PROS1: variants seen among roughly 807,000 people sequenced by gnomAD.
PROS1 encodes the protein protein S.
PROS1 carries 29 observed loss-of-function variants against 75.9 expected under a neutral mutation model. That is an observed-to-expected ratio of 0.38 (90% CI 0.28 to 0.52). The LOEUF (loss-of-function observed/expected upper bound fraction) is 0.52, where lower values mean the gene tolerates loss of function less well. Ranked by LOEUF, PROS1 falls within the 20% of genes least tolerant of loss-of-function variation. The pLI is 0.83. For missense variants in PROS1, 680 were observed against 810.3 expected, an observed-to-expected ratio of 0.84 and a Z score of 1.95; for synonymous variants, 245 against 280.6, an observed-to-expected ratio of 0.87 and a Z score of 1.27.
intron 1 of PROS1, 149 bp from the exon 2 acceptor site, chr3:93,927,556 T>A: frequency 2.2e-6 from 2 of 913,202 alleles, no homozygotes; most frequent in Non-Finnish European, 3.2e-6. Context: ...AAAATGCAGA[T>A]ACAGAAGCAC....
rs1251855298 is a variant in PROS1, at chr3:93,924,685, C to T, written c.235-421G>A. 6.5e-5 allele frequency among the ~76,000 whole-genome samples: 9 copies of T among 139,276 alleles called. No homozygotes were observed. The South Asian group carries it at 8.9e-4, about 14-fold the overall frequency. The allele number at this position is 139,276 out of a possible 152,430, so 91.4% of individuals were successfully genotyped here. ...TCTCTTTTTTTTTTTTTTTTTGAGA[C>T]GAGGTTTCTCTGTGTCACCCATGCT... is the stretch of plus-strand genomic sequence containing the variant. On this transcript the variant is annotated intron_variant, in intron 2 of 14. Coordinates refer to ENST00000394236, the MANE Select transcript of PROS1 (RefSeq NM_000313.4).
intron 3 of PROS1, chr3:93,911,235 C>A (rs1708754528): frequency 6.5e-6 from 1 of 154,326 alleles, no homozygotes. Flanking sequence ...CTTCATTCTT[C>A]ACTACAACCC....
intron 2 of PROS1, among the ~76,000 whole-genome samples, 183 bp from the exon 3 acceptor site, chr3:93,924,447 A>G (rs1708987308): frequency 6.6e-6 from 1 of 152,166 alleles, no homozygotes; most frequent in African/African-American, 2.4e-5. Flanking sequence ...TAAGCCAGTA[A>G]GATACTTAGG....
At chr3:93,937,327 C>T (rs542727483) in intron 1 of PROS1, among the ~76,000 whole-genome samples, 40 of 151,334 alleles carry the variant, frequency 2.6e-4, no homozygotes, top group Admixed American at 9.2e-4. Flanking sequence ...TACACAATGC[C>T]GGGAATCTAT....
chr3:93,973,823 G>C lies in PROS1; in HGVS notation c.-74C>G. 3.0e-6 allele frequency: 4 copies of C among 1,333,974 alleles called. No homozygotes were observed. The South Asian group carries it at 5.4e-5, about 18-fold the overall frequency. 82.6% of individuals were successfully genotyped at this position (1,333,974 alleles called of 1,614,324 possible). On this transcript the variant is annotated 5_prime_UTR_variant, in exon 1 of 15. Transcript: ENST00000394236. ...GGACCGGAGCGCTAGGCGCCGCGGA[G>C]CTGCGAGCCTGTGCGCCTCGGTCTG...
At chr3:93,932,359 T>C (rs1709118660) in intron 1 of PROS1, among the ~76,000 whole-genome samples, 1 of 152,206 alleles carries the variant, frequency 6.6e-6, no homozygotes, top group African/African-American at 2.4e-5. Context: ...TGTCCTCTTT[T>C]TGTATTAGCA....
intron 4 of PROS1, among the ~76,000 whole-genome samples, chr3:93,906,588 C>T (rs564535336): frequency 3.0e-4 from 45 of 152,348 alleles, no homozygotes; most frequent in Non-Finnish European, 5.3e-4. Context: ...CAGGGCTGCA[C>T]GTGCCATGGA....
At chr3:93,952,194 C>T (rs967344981) in intron 1 of PROS1, among the ~76,000 whole-genome samples, 1 of 152,108 alleles carries the variant, frequency 6.6e-6, no homozygotes, top group Non-Finnish European at 1.5e-5. Flanking sequence ...ACAAGGATAT[C>T]CAGGAATTGA....
At chr3:93,926,240 G>A (rs1396927879) in intron 2 of PROS1, among the ~76,000 whole-genome samples, 1 of 152,150 alleles carries the variant, frequency 6.6e-6, no homozygotes, top group Non-Finnish European at 1.5e-5. Context: ...ATAATGAAAT[G>A]TATTACACTG....
chr3:93,923,540 G>C (rs1708973303), intron 3 of PROS1, among the ~76,000 whole-genome samples: 2 of 151,944 alleles, frequency 1.3e-5, no homozygotes, highest in Non-Finnish European at 2.9e-5. Flanking sequence ...ACAAATTCTT[G>C]CATGTAACTT....
chr3:93,952,274 C>A (rs1328862348), intron 1 of PROS1, among the ~76,000 whole-genome samples: 8 of 152,208 alleles, frequency 5.3e-5, no homozygotes, highest in South Asian at 2.1e-4. Context: ...ACAGGATATA[C>A]ATTCTTCTCA....
chr3:93,946,637 C>T (rs1448218836), intron 1 of PROS1, among the ~76,000 whole-genome samples: 6 of 151,990 alleles, frequency 3.9e-5, no homozygotes, highest in Non-Finnish European at 8.8e-5. Context: ...CTTCCTTACA[C>T]CTTATACAAA....
At chr3:93,934,128 A>C (rs1379652127) in intron 1 of PROS1, among the ~76,000 whole-genome samples, 2 of 151,090 alleles carry the variant, frequency 1.3e-5, no homozygotes, top group Non-Finnish European at 3.0e-5. Context: ...TGGAGTGAGC[A>C]GAGATTGCGC....
intron 1 of PROS1, 55 bp downstream of exon 1, chr3:93,973,618 AC>A: frequency 6.4e-7 from 1 of 1,570,064 alleles, no homozygotes; most frequent in Non-Finnish European, 8.7e-7. Flanking sequence ...CAACCAGGGC[AC>A]GCAGTTCAGT....
chr3:93,924,333 T>C (rs1708986346), intron 2 of PROS1, 69 bp from the exon 3 acceptor site: 4 of 945,342 alleles, frequency 4.2e-6, no homozygotes, highest in Non-Finnish European at 5.8e-6. Context: ...AACTTAATTT[T>C]ATAATGTGTT....
intron 1 of PROS1, among the ~76,000 whole-genome samples, chr3:93,962,769 G>A (rs1709726075): frequency 6.6e-6 from 1 of 152,190 alleles, no homozygotes; most frequent in South Asian, 2.1e-4. Flanking sequence ...GGACTCTTCA[G>A]CAAGAGTTTG....
intron 10 of PROS1, among the ~76,000 whole-genome samples, chr3:93,888,624 A>C (rs1009574982): frequency 1.2e-4 from 19 of 152,310 alleles, no homozygotes; most frequent in African/African-American, 4.3e-4. Context: ...CTGAGTATTC[A>C]AAAATTTTAA....
Position 93,963,610 on chromosome 3 carries a change from A to G in PROS1, c.76+10064T>C, listed in dbSNP as rs8178654. On this transcript the variant is annotated intron_variant, in intron 1 of 14. Coordinates refer to ENST00000394236, the MANE Select transcript of PROS1 (RefSeq NM_000313.4). ...TACAAGAAGCATGGTGCCAGCATCT[A>G]CTCCTGGTGAGGGCCTCAGGAAGCT... Among the ~76,000 whole-genome samples the G allele has an allele frequency of 4.4e-3, 666 of 152,184 alleles. 2 individuals are homozygous for G. The highest frequency in any genetic ancestry group is 0.02 in the Middle Eastern group (6 of 294).
At chr3:93,902,408 A>G (rs1161921292) in intron 6 of PROS1, among the ~76,000 whole-genome samples, 5 of 152,338 alleles carry the variant, frequency 3.3e-5, no homozygotes, top group Middle Eastern at 3.4e-3. Flanking sequence ...TTTAAGTTAC[A>G]GTACATTGGT....
Sources: gnomAD v4.1 joint callset for allele counts (sites outside exome capture counted in the v4.1 genomes callset) on GRCh38, gnomAD v4.1.1 for gene constraint, MANE v1.5 for transcripts, NCBI Gene and HGNC (gene_info 2026-07-23, HGNC 2026-07-21) for gene names.